The following PCDHGA3 variants were observed in gnomAD, a reference collection of about 807,000 sequenced individuals.
PCDHGA3 encodes protocadherin gamma subfamily A, 3.
A neutral mutation model predicts 58.5 loss-of-function variants in PCDHGA3; 40 were observed. The observed-to-expected ratio is 0.68, with a 90% CI of 0.53 to 0.89. The LOEUF (loss-of-function observed/expected upper bound fraction) is 0.89, where lower values mean the gene tolerates loss of function less well. PCDHGA3 is among the 40% of genes least tolerant of loss of function. The pLI, the probability that PCDHGA3 is intolerant of heterozygous loss-of-function variation, is 0.00. For missense variants in PCDHGA3, 1,223 were observed against 1,195.9 expected (o/e 1.02, Z -0.33); for synonymous variants, 530 against 525.7 (o/e 1.01, Z -0.11).
intron 1 of PCDHGA3, among the ~76,000 whole-genome samples, chr5:141,461,756 C>T (rs887460069): frequency 6.6e-6 from 1 of 151,832 alleles, no homozygotes; most frequent in Non-Finnish European, 1.5e-5. Flanking sequence ...CAGATTCAAG[C>T]GATTCTCCTG....
In PCDHGA3 at chr5:141,487,568, C is replaced by T. The variant is rs752378906; in HGVS notation, c.2425-7239C>T. Reference sequence around the variant, plus strand: ...ACCCAGTGCACCTATGGCAGGGGAGCCTGTTCGCCCAAGCTGCCCACCCTC... The same window carrying T: ...ACCCAGTGCACCTATGGCAGGGGAGTCTGTTCGCCCAAGCTGCCCACCCTC... On this transcript the variant is annotated intron_variant, in intron 1 of 3. Transcript: ENST00000253812. This position sits in a 1 kb window ranked among gnomAD's most constrained non-coding sequence, Gnocchi z 5.0. The T allele has an allele frequency of 1.2e-6, 2 of 1,614,180 alleles. No individual in the cohort carries two copies. The highest frequency in any genetic ancestry group is 1.7e-6 in the Non-Finnish European group (2 of 1,180,042).
At position 141,384,552 on chromosome 5, in the gene PCDHGA3, C is replaced by A. The variant is rs752995629; in HGVS notation, c.2424+38095C>A. ...GCAGCAACATGTCACTGAGCCTGTTCGTGCTGGACCAGAATGACAACCCGC... is the reference window on the plus strand; with the variant it reads ...GCAGCAACATGTCACTGAGCCTGTTAGTGCTGGACCAGAATGACAACCCGC... On this transcript the variant is annotated intron_variant, in intron 1 of 3. Transcript: ENST00000253812. 1.4e-5 allele frequency: 22 copies of A among 1,614,148 alleles called. No individual in the cohort carries two copies. In the Admixed American group the frequency reaches 3.0e-4, roughly 22 times the overall value.
At chr5:141,459,075 G>T (rs562572838) in intron 1 of PCDHGA3, among the ~76,000 whole-genome samples, 1 of 152,134 alleles carries the variant, frequency 6.6e-6, no homozygotes, top group Non-Finnish European at 1.5e-5. Context: ...CATAAAATTT[G>T]CCTTTTAAAA....
At position 141,350,575 on chromosome 5, in the gene PCDHGA3, G is replaced by C. The variant is rs777214956; in HGVS notation, c.2424+4118G>C. On this transcript the variant is annotated intron_variant, in intron 1 of 3. Transcript: ENST00000253812. Reference sequence around the variant, plus strand: ...TTGAGTGTGCACTAGAATTCGAAACGGTCGCTGAAAACCCAATGAATGTTT... The same window carrying C: ...TTGAGTGTGCACTAGAATTCGAAACCGTCGCTGAAAACCCAATGAATGTTT... The C allele has an allele frequency of 1.1e-5, 18 of 1,613,906 alleles. No individual in the cohort carries two copies. In the East Asian group the frequency reaches 3.6e-4, roughly 32 times the overall value.
chr5:141,494,237 G>A (rs555725765), intron 1 of PCDHGA3, among the ~76,000 whole-genome samples: 3 of 152,312 alleles, frequency 2.0e-5, no homozygotes, highest in East Asian at 3.9e-4. Flanking sequence ...AATTAATAAT[G>A]TATTTAGCTG....
intron 1 of PCDHGA3, among the ~76,000 whole-genome samples, chr5:141,436,320 G>A (rs1158221950): frequency 6.6e-6 from 1 of 152,120 alleles, no homozygotes; most frequent in African/African-American, 2.4e-5. Flanking sequence ...AGTCAAGACT[G>A]TTAGACCATA....
intron 1 of PCDHGA3, chr5:141,422,314 C>T: frequency 6.5e-7 from 1 of 1,547,838 alleles, no homozygotes; most frequent in Non-Finnish European, 8.7e-7. Context: ...AAACTCTCCT[C>T]CAGGTACAGT....
chr5:141,484,549 G>A (rs939394402), intron 1 of PCDHGA3, among the ~76,000 whole-genome samples: 1 of 152,162 alleles, frequency 6.6e-6, no homozygotes, highest in African/African-American at 2.4e-5. Context: ...GTTCTAATTA[G>A]CAGTTGCTCC....
In PCDHGA3 at chr5:141,364,672, GAAA is replaced by G. The variant is rs1433905391; in HGVS notation, c.2424+18217_2424+18219del. On this transcript the variant is annotated intron_variant, in intron 1 of 3. Coordinates refer to ENST00000253812, the MANE Select transcript of PCDHGA3 (RefSeq NM_018916.4). ...TTAACATCTTGGTTGAGAACAAAAT[GAAA>G]ATTTATGGAGTAGAAGTAGAAATAA... 6 of 1,613,908 alleles carry G rather than the reference GAAA, an allele frequency of 3.7e-6. No individual in the cohort carries two copies. In the African/African-American group the frequency reaches 6.7e-5, roughly 18 times the overall value.
chr5:141,351,000 G>C (rs766155062), intron 1 of PCDHGA3: 3 of 1,614,072 alleles, frequency 1.9e-6, no homozygotes, highest in African/African-American at 1.3e-5. Flanking sequence ...TACAGGGTTA[G>C]CCTCCAAGAA....
chr5:141,492,934 G>A (rs1382515835), intron 1 of PCDHGA3, among the ~76,000 whole-genome samples: 7 of 152,236 alleles, frequency 4.6e-5, no homozygotes, highest in Admixed American at 4.6e-4. Flanking sequence ...TAGGGTCAGA[G>A]ATTTGGAGGT....
intron 1 of PCDHGA3, chr5:141,362,139 G>A (rs1162182295): frequency 1.2e-6 from 2 of 1,614,030 alleles, no homozygotes; most frequent in Admixed American, 1.7e-5. Flanking sequence ...CGGATAGCCT[G>A]CAAGAGGTAT....
chr5:141,462,262 A>G (rs2099035971), intron 1 of PCDHGA3, among the ~76,000 whole-genome samples: 1 of 152,192 alleles, frequency 6.6e-6, no homozygotes, highest in African/African-American at 2.4e-5. Flanking sequence ...GACCAGCCTA[A>G]AGTGTATTGT....
chr5:141,439,458 C>T (rs2098114160), intron 1 of PCDHGA3, among the ~76,000 whole-genome samples: 1 of 152,214 alleles, frequency 6.6e-6, no homozygotes, highest in East Asian at 1.9e-4. Flanking sequence ...AGCAAGACTG[C>T]ACTGCTGCCT....
At chr5:141,348,682 T>C (rs1292649439) in intron 1 of PCDHGA3, among the ~76,000 whole-genome samples, 1 of 152,156 alleles carries the variant, frequency 6.6e-6, no homozygotes, top group East Asian at 1.9e-4. Flanking sequence ...TTTATTTTTA[T>C]TTTTTTGAAG....
chr5:141,356,144 A>G, intron 1 of PCDHGA3: 2 of 1,613,620 alleles, frequency 1.2e-6, no homozygotes, highest in African/African-American at 1.3e-5. Context: ...TCTGGATTCT[A>G]TGACATAGAT....
chr5:141,411,921 T>C (rs1426892834), intron 1 of PCDHGA3: 1 of 152,234 alleles, frequency 6.6e-6, no homozygotes, highest in Non-Finnish European at 1.5e-5. Context: ...TCAGTCTCTG[T>C]CTCTGATTCT....
chr5:141,454,128 C>T (rs988254902), intron 1 of PCDHGA3, among the ~76,000 whole-genome samples: 4 of 152,122 alleles, frequency 2.6e-5, no homozygotes, highest in African/African-American at 7.2e-5. Flanking sequence ...AATAGCTGAC[C>T]ATGGGAATGT....
Position 141,428,007 on chromosome 5 carries a change from A to T in PCDHGA3, c.2425-66800A>T, listed in dbSNP as rs770851074. 9.4e-6 allele frequency: 15 copies of T among 1,602,018 alleles called. No individual in the cohort carries two copies. In the African/African-American group the frequency reaches 1.5e-4, roughly 16 times the overall value. ...GCCCGATGGCTCCGCACTCTTCGAT[A>T]TAGTGCCACGCGCCGCAGAGTCCGG... On this transcript the variant is annotated intron_variant, in intron 1 of 3. Coordinates refer to ENST00000253812, the MANE Select transcript of PCDHGA3 (RefSeq NM_018916.4).
Sources: allele counts gnomAD v4.1 joint callset (sites outside exome capture counted in the v4.1 genomes callset), GRCh38; gene constraint gnomAD v4.1.1; non-coding constraint Gnocchi (gnomAD v3.1); transcripts MANE v1.5; gene names NCBI Gene and HGNC (gene_info 2026-07-23, HGNC 2026-07-21).